The following SVEP1 variants were observed in gnomAD, a reference collection of about 807,000 sequenced individuals.
The protein encoded by SVEP1 is sushi, von Willebrand factor type A, EGF and pentraxin domain containing 1.
Under a neutral mutation model 367.3 loss-of-function variants are expected in SVEP1, and 164 were observed. The ratio of observed to expected loss-of-function variants is 0.45; its 90% CI spans 0.39 to 0.51. The LOEUF is 0.51. Ranked by LOEUF, SVEP1 falls within the 20% of genes least tolerant of loss-of-function variation. The pLI is 0.00. For synonymous variants in SVEP1, 1,666 were observed against 1,611.6 expected, an observed-to-expected ratio of 1.03 and a Z score of -0.81; for missense variants, 4,117 against 4,425.3, an observed-to-expected ratio of 0.93 and a Z score of 1.98.
intron 43 of SVEP1, 72 bp from the exon 44 acceptor site, chr9:110,379,589 A>G: frequency 2.7e-6 from 4 of 1,497,186 alleles, no homozygotes; most frequent in Non-Finnish European, 3.6e-6. Flanking sequence ...CATCTCTCAG[A>G]ATGAATTAAA....
Position 110,577,906 on chromosome 9 carries a change from C to G in SVEP1, c.531+1107G>C, listed in dbSNP as rs187727426. On this transcript the variant is annotated intron_variant, in intron 1 of 47. Coordinates refer to ENST00000374469, the MANE Select transcript of SVEP1 (RefSeq NM_153366.4). ...AAATGTGTATTTGCTAAAATGATGC[C>G]TCCATCACCTCTTAAATTGACAAAG... Among the ~76,000 whole-genome samples the G allele has an allele frequency of 3.1e-3, 474 of 152,192 alleles. 3 individuals carry two copies. Among genetic ancestry groups the G allele is most frequent in the African/African-American group, 0.011 (461 of 41,526 alleles).
At chr9:110,404,664 ATTGATTG>A in intron 38 of SVEP1, 112 bp from the exon 39 acceptor site, 2 of 978,454 alleles carry the variant, frequency 2.0e-6, no homozygotes, top group Middle Eastern at 2.2e-4. Context: ...TGTGCAACAT[ATTGATTG>A]TTGCACAATC....
At position 110,404,320 on chromosome 9, in the gene SVEP1, A is replaced by G. The variant is rs371541835; in HGVS notation, c.9666+7T>C. 29 of 1,613,452 alleles carry G rather than the reference A, an allele frequency of 1.8e-5. No individual in the cohort carries two copies. Among genetic ancestry groups the G allele is most frequent in the Non-Finnish European group, 2.5e-5 (29 of 1,179,552 alleles). On this transcript the variant is annotated splice_region_variant and intron_variant, in intron 39 of 47. Transcript: ENST00000374469. ...CATTACACATTCTAATTAAGACAGA[A>G]TCTTACCTGACATACTGATATGTTA...
rs184544216 is a variant in SVEP1, at chr9:110,408,996, A to G, written c.6649-45T>C. The G allele has an allele frequency of 8.6e-6, 13 of 1,513,232 alleles. No homozygotes were observed. In the Admixed American group the frequency reaches 2.5e-4, roughly 29 times the overall value. 93.7% of individuals were successfully genotyped at this position (1,513,232 alleles called of 1,614,324 possible). ...CAAGTGAGTGCGATTTGTATAACAG[A>G]TGATAGCATTAACTAAATCCTTGGA... On this transcript the variant is annotated intron_variant, in intron 37 of 47. Coordinates refer to ENST00000374469, the MANE Select transcript of SVEP1 (RefSeq NM_153366.4).
At chr9:110,461,601 A>T in intron 18 of SVEP1, among the ~76,000 whole-genome samples, 1 of 151,178 alleles carries the variant, frequency 6.6e-6, no homozygotes, top group South Asian at 2.1e-4. Flanking sequence ...GATTTGAGAA[A>T]AAACAAAGCA....
At chr9:110,427,457 A>G (rs190347061) in intron 36 of SVEP1, 134 bp downstream of exon 36, 198 of 1,075,556 alleles carry the variant, frequency 1.8e-4, no homozygotes, top group Non-Finnish European at 2.4e-4. Context: ...CAGGTAGGAA[A>G]TAAAAGCATA....
At chr9:110,572,270 T>C (rs988241039) in intron 1 of SVEP1, among the ~76,000 whole-genome samples, 1 of 152,190 alleles carries the variant, frequency 6.6e-6, no homozygotes, top group African/African-American at 2.4e-5. Context: ...TGGTGGAGAA[T>C]TTTCCTACCC....
chr9:110,531,357 G>A (rs1200166970), intron 3 of SVEP1, among the ~76,000 whole-genome samples: 1 of 152,060 alleles, frequency 6.6e-6, no homozygotes, highest in African/African-American at 2.4e-5. Flanking sequence ...ATCTCATCTT[G>A]AACTGTAGTT....
intron 41 of SVEP1, 110 bp downstream of exon 41, chr9:110,389,414 A>C (rs1827588778): frequency 7.7e-7 from 1 of 1,303,964 alleles, no homozygotes; most frequent in African/African-American, 1.5e-5. Context: ...TGGCTTATGG[A>C]GTTGGCTTAC....
At chr9:110,504,715 T>C (rs904038063) in intron 5 of SVEP1, among the ~76,000 whole-genome samples, 2 of 150,082 alleles carry the variant, frequency 1.3e-5, no homozygotes, top group African/African-American at 5.1e-5. Context: ...ATTTGGGTCC[T>C]TGATACCAGC....
At chr9:110,507,391 A>G (rs1207620102) in intron 5 of SVEP1, among the ~76,000 whole-genome samples, 2 of 152,238 alleles carry the variant, frequency 1.3e-5, no homozygotes, top group Non-Finnish European at 2.9e-5. Context: ...TCAAGTGCAT[A>G]TTCAATTGAA....
chr9:110,430,239 A>G (rs779630919), intron 33 of SVEP1, 35 bp downstream of exon 33: 262 of 1,584,846 alleles, frequency 1.7e-4, no homozygotes, highest in Non-Finnish European at 2.2e-4. Flanking sequence ...TAGGATTGCC[A>G]AACATAAGAA....
intron 15 of SVEP1, 149 bp downstream of exon 15, chr9:110,472,010 A>T: frequency 2.4e-6 from 2 of 834,858 alleles, no homozygotes; most frequent in Non-Finnish European, 3.7e-6. Context: ...ACAGCAAAAG[A>T]TGACAAGGCT....
chr9:110,520,983 G>T (rs1380164847), intron 3 of SVEP1, among the ~76,000 whole-genome samples: 1 of 152,162 alleles, frequency 6.6e-6, no homozygotes, highest in Non-Finnish European at 1.5e-5. Context: ...AAATAGGTAA[G>T]AAACCAAGCA....
intron 1 of SVEP1, among the ~76,000 whole-genome samples, chr9:110,559,279 AAAC>A (rs1830393801): frequency 6.6e-6 from 1 of 152,080 alleles, no homozygotes; most frequent in South Asian, 2.1e-4. Context: ...ATTAGAAAGA[AAAC>A]AACAAACTGG....
chr9:110,397,337 C>T (rs1475460782), intron 40 of SVEP1, among the ~76,000 whole-genome samples: 12 of 152,322 alleles, frequency 7.9e-5, no homozygotes, highest in East Asian at 5.8e-4. Context: ...ATTGATGGGA[C>T]GTATCTCAAA....
intron 44 of SVEP1, among the ~76,000 whole-genome samples, chr9:110,378,924 T>A (rs1827391974): frequency 6.6e-6 from 1 of 150,804 alleles, no homozygotes; most frequent in Admixed American, 6.6e-5. Flanking sequence ...AAAAAAAAAG[T>A]CCAAATCTGA....
intron 36 of SVEP1, 101 bp downstream of exon 36, chr9:110,427,490 C>T (rs1828273387): frequency 7.2e-7 from 1 of 1,397,464 alleles, no homozygotes; most frequent in South Asian, 1.4e-5. Context: ...TCTTTGGCTG[C>T]CAGGAAATTA....
chr9:110,502,171 C>T (rs1040154515), intron 6 of SVEP1, among the ~76,000 whole-genome samples: 1 of 146,590 alleles, frequency 6.8e-6, no homozygotes, highest in African/African-American at 2.5e-5. Context: ...GCTGTGATCT[C>T]GGCTCACTGA....
Sources: gnomAD v4.1 joint callset for allele counts (sites outside exome capture counted in the v4.1 genomes callset) on GRCh38, gnomAD v4.1.1 for gene constraint, MANE v1.5 for transcripts, NCBI Gene and HGNC (gene_info 2026-07-23, HGNC 2026-07-21) for gene names.